Variants in ATAD5 observed in about 807,000 individuals in gnomAD.
ATAD5 encodes the protein ATPase family AAA domain containing 5.
A neutral mutation model predicts 176.9 loss-of-function variants in ATAD5; 58 were observed. The observed-to-expected ratio is 0.33, with a 90% CI of 0.27 to 0.41. ATAD5 has a LOEUF of 0.41. Among genes scored for constraint, ATAD5 ranks in the 10% least tolerant of loss-of-function variants. The probability of loss-of-function intolerance (pLI) is 1.00; values close to 1 mark genes in which losing one functional copy is unlikely to be tolerated. For missense variants in ATAD5, 1,789 were observed against 2,094.1 expected, an observed-to-expected ratio of 0.85 and a Z score of 2.84; for synonymous variants, 640 against 712.6, an observed-to-expected ratio of 0.90 and a Z score of 1.62.
chr17:30,886,494 G>C (rs1466175579), intron 18 of ATAD5, among the ~76,000 whole-genome samples: 1 of 151,848 alleles, frequency 6.6e-6, no homozygotes, highest in African/African-American at 2.4e-5. Flanking sequence ...CCACCTCCCA[G>C]GTTCAAGCGA....
chr17:30,832,417 A>T lies in ATAD5; in HGVS notation c.66+4A>T. 1 of 1,558,904 alleles carries T rather than the reference A, an allele frequency of 6.4e-7. No homozygotes were observed. Among genetic ancestry groups the T allele is most frequent in the Non-Finnish European group, 8.7e-7 (1 of 1,151,634 alleles). On this transcript the variant is annotated splice_donor_region_variant and intron_variant, in intron 1 of 22. Transcript: ENST00000321990. The stretch of plus-strand genomic sequence containing the variant: ...CGTGAAGGACTGCGAGATTGAGGTG[A>T]GGTTGAGTCGAGGATCTGTTGAGTT...
chr17:30,887,441 G>A (rs1909383288), intron 19 of ATAD5, 69 bp downstream of exon 19: 2 of 1,349,214 alleles, frequency 1.5e-6, no homozygotes, highest in Admixed American at 2.2e-5. Context: ...CTATGGCTGG[G>A]TGCAGTGGCT....
chr17:30,853,477 C>T (rs1055908691), intron 6 of ATAD5, among the ~76,000 whole-genome samples: 3 of 151,958 alleles, frequency 2.0e-5, no homozygotes, highest in Middle Eastern at 3.2e-3. Context: ...AAAAAAAATA[C>T]ACTTCTTCTT....
Position 30,834,535 on chromosome 17 carries a change from G to T in ATAD5, c.454G>T (p.Val152Leu). Residue 152 changes from valine (V) to leucine (L), a missense_variant, in exon 2 of 23, where the codon GTG becomes TTG. Val to Leu is a conservative substitution (Grantham distance 32, BLOSUM62 1). Around this residue, in one of 6 missense-constraint regions of ATAD5, gnomAD observed 696 missense variants for 712.5 expected, o/e 0.98. Coordinates refer to ENST00000321990, the MANE Select transcript of ATAD5 (RefSeq NM_024857.5). ...AGACTATAGTTTAAATAATGATTTTGTGGAAAGTAGTACTTCTGTTTTACG... is the reference window on the plus strand; with the variant it reads ...AGACTATAGTTTAAATAATGATTTTTTGGAAAGTAGTACTTCTGTTTTACG... ...KEDYSLNNDF[V>L]ESSTSVLRYK... The T allele has an allele frequency of 6.3e-7, 1 of 1,591,098 alleles. No homozygotes were observed. The highest frequency in any genetic ancestry group is 8.5e-7 in the Non-Finnish European group (1 of 1,174,344).
chr17:30,895,033 GTA>G lies in ATAD5; in HGVS notation c.*124_*125del. On this transcript the variant is annotated 3_prime_UTR_variant, in exon 23 of 23. Coordinates refer to ENST00000321990, the MANE Select transcript of ATAD5 (RefSeq NM_024857.5). ...GATGTACATTTTAAACAAACAATTTGTATATTTTTTTATTGGCGGGTAAATAT... is the reference window on the plus strand; with the variant it reads ...GATGTACATTTTAAACAAACAATTTGTATTTTTTTATTGGCGGGTAAATAT... 1 of 615,616 alleles carries G rather than the reference GTA, an allele frequency of 1.6e-6. No individual in the cohort carries two copies. Among genetic ancestry groups the G allele is most frequent in the East Asian group, 3.5e-5 (1 of 28,898 alleles). 38.1% of individuals were successfully genotyped at this position (615,616 alleles called of 1,614,324 possible).
chr17:30,841,459 A>C (rs1026130858), intron 4 of ATAD5, among the ~76,000 whole-genome samples: 1 of 152,214 alleles, frequency 6.6e-6, no homozygotes, highest in African/African-American at 2.4e-5. Context: ...GCTAACTGCC[A>C]GTACCTCTTT....
intron 6 of ATAD5, among the ~76,000 whole-genome samples, chr17:30,848,397 G>A (rs867134388): frequency 1.1e-4 from 17 of 152,212 alleles, no homozygotes; most frequent in Middle Eastern, 6.8e-3. Flanking sequence ...CTACAGGCAT[G>A]TGCCACCATG....
At chr17:30,860,346 A>G (rs1907552935) in intron 9 of ATAD5, 87 bp from the exon 10 acceptor site, 1 of 1,442,054 alleles carries the variant, frequency 6.9e-7, no homozygotes, top group South Asian at 1.4e-5. Context: ...TTAAAGTTAC[A>G]AGACTATTGG....
chr17:30,880,273 G>C (rs1287439747), intron 18 of ATAD5, among the ~76,000 whole-genome samples: 1 of 151,910 alleles, frequency 6.6e-6, no homozygotes, highest in African/African-American at 2.4e-5. Flanking sequence ...TTGTACCACT[G>C]CATTCCAGCC....
intron 18 of ATAD5, among the ~76,000 whole-genome samples, chr17:30,885,559 T>G (rs1443017208): frequency 6.6e-6 from 1 of 152,066 alleles, no homozygotes; most frequent in Non-Finnish European, 1.5e-5. Flanking sequence ...GAATACAAAG[T>G]TAGCTATAGG....
rs1041578113 is a variant in ATAD5, at chr17:30,895,767, A to G, written c.*854A>G. 8 of 152,256 alleles carry G rather than the reference A, an allele frequency of 5.3e-5. No individual in the cohort carries two copies. Among genetic ancestry groups the G allele is most frequent in the Admixed American group, 2.0e-4 (3 of 15,296 alleles). 9.4% of individuals were successfully genotyped at this position (152,256 alleles called of 1,614,324 possible). ...TGTTTACAAATGTGTATGAAGATAG[A>G]TATTTTTACCTCTTATTTGTTCAAT... On this transcript the variant is annotated 3_prime_UTR_variant, in exon 23 of 23. Transcript: ENST00000321990.
Position 30,876,505 on chromosome 17 carries a change from C to A in ATAD5, c.3739C>A (p.Pro1247Thr). 2.5e-6 allele frequency: 4 copies of A among 1,588,258 alleles called. No homozygotes were observed. Among genetic ancestry groups the A allele is most frequent in the Non-Finnish European group, 1.7e-6 (2 of 1,162,208 alleles). The change falls in exon 15 of 23, where the codon CCT (proline) becomes ACT (threonine). Residue 1247 changes from proline to threonine, a missense_variant. Transcript: ENST00000321990. ...LANYFKVSPKPKNNEEIGMLL... is the reference protein window; with the variant it reads ...LANYFKVSPKTKNNEEIGMLL... ...AAATTATTTTAAAGTATCTCCCAAA[C>A]CTAAAAATAATGAAGAAATAGGAAT...
chr17:30,852,034 G>A (rs1343248107), intron 6 of ATAD5, among the ~76,000 whole-genome samples: 2 of 152,280 alleles, frequency 1.3e-5, no homozygotes, highest in Non-Finnish European at 2.9e-5. Flanking sequence ...CCTTAATATT[G>A]ACGAATTCCA....
intron 1 of ATAD5, 81 bp downstream of exon 1, chr17:30,832,494 C>A: frequency 7.4e-7 from 1 of 1,355,770 alleles, no homozygotes; most frequent in South Asian, 1.8e-5. Flanking sequence ...GGAAGGTGAT[C>A]CTGACTTTGT....
At position 30,843,907 on chromosome 17, in the gene ATAD5, T is replaced by A; in HGVS notation, c.2242-6T>A. 7.5e-7 allele frequency: 1 copy of A among 1,336,696 alleles called. No individual in the cohort carries two copies. Among genetic ancestry groups the A allele is most frequent in the Non-Finnish European group, 1.0e-6 (1 of 986,324 alleles). 82.8% of individuals were successfully genotyped at this position (1,336,696 alleles called of 1,614,324 possible). On this transcript the variant is annotated splice_polypyrimidine_tract_variant and splice_region_variant and intron_variant, in intron 4 of 22. Coordinates refer to ENST00000321990, the MANE Select transcript of ATAD5 (RefSeq NM_024857.5). ...AATTAAAATTTATTCTCTTATTTTG[T>A]CTTAGGATTCTGTTATAATAATAGA...
chr17:30,872,358 G>A, intron 14 of ATAD5, among the ~76,000 whole-genome samples: 1 of 152,096 alleles, frequency 6.6e-6, no homozygotes. Context: ...CTGATGGGAA[G>A]ACGAATCATT....
In ATAD5 at chr17:30,835,550, C is replaced by T. The variant is rs1436040867; in HGVS notation, c.1469C>T (p.Ala490Val). 4 of 1,611,216 alleles carry T rather than the reference C, an allele frequency of 2.5e-6. No individual in the cohort carries two copies. The highest frequency in any genetic ancestry group is 1.7e-4 in the Middle Eastern group (1 of 6,048). ...AATAAGAAAACATTAGATACTGGGG[C>T]TATTCCAGGCAAAAACAGAGAGGGA... Reference protein sequence around the residue: ...KKNKKTLDTGAIPGKNREGNT... With the variant: ...KKNKKTLDTGVIPGKNREGNT... Residue 490 changes from alanine to valine, a missense_variant, in exon 2 of 23, where the codon GCT becomes GTT. Physicochemically the swap from Ala to Val is moderately conservative, Grantham distance 64. This residue lies in a region of ATAD5 where 696 missense variants were observed against 712.5 expected (regional missense o/e 0.98). Coordinates refer to ENST00000321990, the MANE Select transcript of ATAD5 (RefSeq NM_024857.5).
intron 17 of ATAD5, among the ~76,000 whole-genome samples, chr17:30,878,453 A>G (rs898270798): frequency 4.6e-5 from 7 of 152,064 alleles, no homozygotes; most frequent in Middle Eastern, 3.2e-3. Flanking sequence ...CCCTGATAAC[A>G]CTTTCTTATG....
At chr17:30,886,747 A>C (rs80154197) in intron 18 of ATAD5, among the ~76,000 whole-genome samples, 1 of 138,040 alleles carries the variant, frequency 7.2e-6, no homozygotes, top group East Asian at 2.0e-4. Context: ...GATCTCTACC[A>C]AAAAAAAAAA....
Sources: allele counts gnomAD v4.1 joint callset (sites outside exome capture counted in the v4.1 genomes callset), GRCh38; gene constraint gnomAD v4.1.1; regional missense constraint gnomAD v4.1.1; transcripts MANE v1.5; gene names NCBI Gene and HGNC (gene_info 2026-07-23, HGNC 2026-07-21).